Variants in CEP89 observed in about 807,000 individuals in gnomAD.
CEP89 encodes centrosomal protein of 89 kDa.
CEP89 carries 95 observed loss-of-function variants against 97.6 expected under a neutral mutation model. The observed-to-expected ratio is 0.97, with a 90% CI of 0.82 to 1.15. The LOEUF is 1.15. CEP89 is among the 50% of genes most tolerant of loss of function. The pLI is 0.00. For missense variants in CEP89, 869 were observed against 947.7 expected (o/e 0.92, Z 1.09); for synonymous variants, 354 against 349.1 (o/e 1.01, Z -0.16).
chr19:32,881,481 G>A (rs772227914), intron 18 of CEP89, among the ~76,000 whole-genome samples: 37 of 152,260 alleles, frequency 2.4e-4, no homozygotes, highest in Admixed American at 9.2e-4. Flanking sequence ...AGTGAGCCGA[G>A]ATCGTGCCAC....
chr19:32,937,241 CCCATAACTGCACCTG>C (rs1205268979), intron 7 of CEP89: 2 of 272,862 alleles, frequency 7.3e-6, no homozygotes, highest in Non-Finnish European at 1.4e-5. Context: ...CAGAGCAGAG[CCCATAACTGCACCTG>C]CCTTCCCAGT....
At chr19:32,959,044 A>AC (rs371637501) in intron 3 of CEP89, among the ~76,000 whole-genome samples, 153 of 121,490 alleles carry the variant, frequency 1.3e-3, no homozygotes, top group African/African-American at 4.1e-3. Flanking sequence ...AAACAAACAA[A>AC]ACAAAAAAAA....
chr19:32,948,409 G>A lies in CEP89; in HGVS notation c.493-41C>T, dbSNP rs1281901610. On this transcript the variant is annotated intron_variant, in intron 4 of 18. Coordinates refer to ENST00000305768, the MANE Select transcript of CEP89 (RefSeq NM_032816.5). ...GACAAAGGAGCAAAAAAGTGAGAAA[G>A]GTAACCTTTATATACAGCATGTCCT... is the stretch of plus-strand genomic sequence containing the variant. 6 of 1,319,482 alleles carry A rather than the reference G, an allele frequency of 4.5e-6. No individual in the cohort carries two copies. The East Asian group carries it at 1.2e-4, about 26-fold the overall frequency. 81.7% of individuals were successfully genotyped at this position (1,319,482 alleles called of 1,614,324 possible). A position where few individuals can be genotyped will look rare whatever the true frequency, so the allele number is the denominator to read the frequency against.
At chr19:32,931,307 C>A in intron 9 of CEP89, 122 bp downstream of exon 9, 1 of 869,272 alleles carries the variant, frequency 1.2e-6, no homozygotes, top group Non-Finnish European at 1.7e-6. Flanking sequence ...AAACATTGTG[C>A]CTTGGACAGA....
At chr19:32,912,968 G>C (rs1188645450) in intron 14 of CEP89, among the ~76,000 whole-genome samples, 3 of 151,316 alleles carry the variant, frequency 2.0e-5, no homozygotes, top group African/African-American at 7.3e-5. Context: ...CGTGAACCCC[G>C]GGGGGCGGAG....
At chr19:32,882,055 G>A in intron 17 of CEP89, 42 bp from the exon 18 acceptor site, 1 of 1,527,404 alleles carries the variant, frequency 6.5e-7, no homozygotes, top group Non-Finnish European at 8.8e-7. Context: ...GACGCTGCCA[G>A]GCCAGGGTGG....
intron 11 of CEP89, among the ~76,000 whole-genome samples, 159 bp downstream of exon 11, chr19:32,926,031 A>C (rs931651529): frequency 6.6e-6 from 1 of 150,804 alleles, no homozygotes; most frequent in Non-Finnish European, 1.5e-5. Context: ...CCTGCCTCCC[A>C]CCCTGCCACA....
intron 3 of CEP89, 133 bp from the exon 4 acceptor site, chr19:32,953,934 T>A (rs1970992101): frequency 1.6e-6 from 1 of 625,888 alleles, no homozygotes; most frequent in Non-Finnish European, 2.7e-6. Context: ...AGTGGCACAA[T>A]CTCGGCTCAC....
intron 14 of CEP89, among the ~76,000 whole-genome samples, chr19:32,912,570 A>T (rs1555790341): frequency 6.6e-6 from 1 of 151,384 alleles, no homozygotes; most frequent in Non-Finnish European, 1.5e-5. Context: ...AAGAAATCTC[A>T]CTCTCTCTCT....
intron 3 of CEP89, among the ~76,000 whole-genome samples, chr19:32,957,679 G>A (rs761001787): frequency 1.3e-5 from 2 of 151,946 alleles, no homozygotes; most frequent in South Asian, 2.1e-4. Context: ...GTGTAGTGGC[G>A]CACAACTGTA....
intron 5 of CEP89, among the ~76,000 whole-genome samples, chr19:32,945,052 T>C (rs1402526274): frequency 1.3e-5 from 2 of 152,138 alleles, no homozygotes; most frequent in African/African-American, 4.8e-5. Context: ...AACAGACTCC[T>C]CTGTGTACTT....
chr19:32,959,169 G>T (rs1364265062), intron 3 of CEP89, among the ~76,000 whole-genome samples: 1 of 151,642 alleles, frequency 6.6e-6, no homozygotes, highest in Non-Finnish European at 1.5e-5. Context: ...CTCTAAACAG[G>T]ACACCAAAGG....
In CEP89 at chr19:32,879,052, C is replaced by T; in HGVS notation, c.*110G>A. The T allele has an allele frequency of 1.3e-6, 1 of 760,478 alleles. No individual in the cohort carries two copies. Among genetic ancestry groups the T allele is most frequent in the Non-Finnish European group, 2.2e-6 (1 of 456,330 alleles). 47.1% of individuals were successfully genotyped at this position (760,478 alleles called of 1,614,324 possible). A position where few individuals can be genotyped will look rare whatever the true frequency, so the allele number is the denominator to read the frequency against. Reference sequence around the variant, plus strand: ...TATTTCTTCCCTGCCCTGCAGCGTTCAGTGGGCTTACGCACCTCCGGCTGC... The same window carrying T: ...TATTTCTTCCCTGCCCTGCAGCGTTTAGTGGGCTTACGCACCTCCGGCTGC... On this transcript the variant is annotated 3_prime_UTR_variant, in exon 19 of 19. Coordinates refer to ENST00000305768, the MANE Select transcript of CEP89 (RefSeq NM_032816.5).
chr19:32,951,534 T>TATATATATATATATACACACAC (rs1407110112), intron 4 of CEP89, among the ~76,000 whole-genome samples: 86 of 122,018 alleles, frequency 7.0e-4, no homozygotes, highest in African/African-American at 2.7e-3. Context: ...TATATATATA[T>TATATATATATATATACACACAC]ACACACACAC....
rs11669165 is a variant in CEP89, at chr19:32,936,199, G to A, written c.667+1432C>T. Among the ~76,000 whole-genome samples, 515 of 152,276 alleles carry A rather than the reference G, an allele frequency of 3.4e-3. 4 individuals are homozygous for A. Among genetic ancestry groups the A allele is most frequent in the Middle Eastern group, 0.01 (3 of 294 alleles). On this transcript the variant is annotated intron_variant, in intron 7 of 18. Transcript: ENST00000305768. The surrounding 1 kb of genome is among the most constrained non-coding windows in gnomAD (Gnocchi z 4.5). Reference sequence around the variant, plus strand: ...AGTCTTGCAGCAGGGTTGGAGCGGGGTTTAGGCCAAGCCTGGGCACTGTCA... The same window carrying A: ...AGTCTTGCAGCAGGGTTGGAGCGGGATTTAGGCCAAGCCTGGGCACTGTCA...
At chr19:32,902,134 C>A (rs1969794295) in intron 14 of CEP89, among the ~76,000 whole-genome samples, 1 of 151,206 alleles carries the variant, frequency 6.6e-6, no homozygotes, top group African/African-American at 2.4e-5. Context: ...TTAAAAAAAA[C>A]CTGCTAAAAC....
chr19:32,916,625 T>C (rs1274039749), intron 13 of CEP89, among the ~76,000 whole-genome samples: 5 of 152,252 alleles, frequency 3.3e-5, no homozygotes, highest in Non-Finnish European at 5.9e-5. Flanking sequence ...TGTTACATGG[T>C]TGCATGTAAT....
chr19:32,926,285 G>T lies in CEP89; in HGVS notation c.1081-12C>A. 1 of 1,578,430 alleles carries T rather than the reference G, an allele frequency of 6.3e-7. No homozygotes were observed. The highest frequency in any genetic ancestry group is 8.7e-7 in the Non-Finnish European group (1 of 1,148,990). On this transcript the variant is annotated splice_polypyrimidine_tract_variant and intron_variant, in intron 10 of 18. Transcript: ENST00000305768. ...TACTTTATATCCAACTGAAGATAGA[G>T]AGTAAAGGAAGGTTAATATATTTCT...
rs539519367 is a variant in CEP89 at position 32,907,229 on chromosome 19, C to T, written c.1566-5817G>A. 5.9e-5 allele frequency among the ~76,000 whole-genome samples: 9 copies of T among 152,234 alleles called. No individual in the cohort carries two copies. In the South Asian group the frequency reaches 1.2e-3, roughly 21 times the overall value. ...CTTAATAATTAGCCCCGCACGATGG[C>T]GCGTGACTATAGTCCCAGCCACTGG... On this transcript the variant is annotated intron_variant, in intron 14 of 18. Transcript: ENST00000305768.
Sources: allele counts gnomAD v4.1 joint callset (sites outside exome capture counted in the v4.1 genomes callset), GRCh38; gene constraint gnomAD v4.1.1; non-coding constraint Gnocchi (gnomAD v3.1); transcripts MANE v1.5; gene names NCBI Gene and HGNC (gene_info 2026-07-23, HGNC 2026-07-21).